The following NXPE2 variants were observed in gnomAD, a reference collection of about 807,000 sequenced individuals.
NXPE2 encodes NXPE family member 2.
NXPE2 carries 34 observed loss-of-function variants against 34.4 expected under a neutral mutation model. The observed-to-expected ratio is 0.99, with a 90% CI of 0.75 to 1.31. NXPE2 has a LOEUF of 1.31. Among genes scored for constraint, NXPE2 ranks in the 40% most tolerant of loss-of-function variants. The pLI is 0.00. For missense variants in NXPE2, 649 were observed against 672.5 expected (o/e 0.97, Z 0.39); for synonymous variants, 235 against 231.3 (o/e 1.02, Z -0.15).
At chr11:114,518,985 G>A in the NXPE2 span, among the ~76,000 whole-genome samples, 70 of 152,180 alleles carry the variant, frequency 4.6e-4, no homozygotes, top group Non-Finnish European at 4.9e-4. Flanking sequence ...GTAATGACAG[G>A]TGTATTAATA....
At chr11:114,472,007 G>A in the NXPE2 span, among the ~76,000 whole-genome samples, 1 of 152,126 alleles carries the variant, frequency 6.6e-6, no homozygotes, top group African/African-American at 2.4e-5. Context: ...TAATCCCCTA[G>A]TATTTAGAGA....
chr11:114,647,444 G>A, the NXPE2 span, among the ~76,000 whole-genome samples: 1 of 152,022 alleles, frequency 6.6e-6, no homozygotes. Flanking sequence ...TCTATCTAGT[G>A]CTTATTTAAA....
At chr11:114,665,857 T>C in the NXPE2 span, among the ~76,000 whole-genome samples, 38 of 152,156 alleles carry the variant, frequency 2.5e-4, no homozygotes, top group Admixed American at 2.2e-3. Flanking sequence ...TGCCATTTAT[T>C]GACCACCTAC....
At chr11:114,576,966 A>G in the NXPE2 span, among the ~76,000 whole-genome samples, 1 of 140,704 alleles carries the variant, frequency 7.1e-6, no homozygotes, top group South Asian at 2.2e-4. Flanking sequence ...GAGTGGATAA[A>G]GAAGATGTTT....
At chr11:114,565,539 C>T in the NXPE2 span, among the ~76,000 whole-genome samples, 2 of 152,104 alleles carry the variant, frequency 1.3e-5, no homozygotes, top group East Asian at 3.9e-4. Context: ...ATATATACAA[C>T]TAAATTAATG....
At chr11:114,714,652 G>C in the NXPE2 span, among the ~76,000 whole-genome samples, 4 of 152,180 alleles carry the variant, frequency 2.6e-5, no homozygotes, top group African/African-American at 9.7e-5. Context: ...ACATGTGGCA[G>C]CTGAAAGGTT....
chr11:114,775,292 A>G, the NXPE2 span, among the ~76,000 whole-genome samples: 1 of 152,196 alleles, frequency 6.6e-6, no homozygotes, highest in South Asian at 2.1e-4. Context: ...CCTCTGCTAG[A>G]CAGACCCCAG....
the NXPE2 span, among the ~76,000 whole-genome samples, chr11:114,557,957 T>G: frequency 6.6e-6 from 1 of 152,018 alleles, no homozygotes; most frequent in Non-Finnish European, 1.5e-5. Flanking sequence ...TTGAATATGT[T>G]ACCTCATTTT....
the NXPE2 span, among the ~76,000 whole-genome samples, chr11:114,733,165 C>T: frequency 6.6e-6 from 1 of 152,150 alleles, no homozygotes; most frequent in Non-Finnish European, 1.5e-5. Context: ...GGCGCAATCT[C>T]GGCTTACTGC....
the NXPE2 span, among the ~76,000 whole-genome samples, chr11:114,663,768 A>T: frequency 1.3e-5 from 2 of 152,086 alleles, no homozygotes; most frequent in Non-Finnish European, 2.9e-5. Flanking sequence ...AACCCAAGTA[A>T]AAAATAGCCA....
chr11:114,800,408 A>G, the NXPE2 span, among the ~76,000 whole-genome samples: 1 of 152,242 alleles, frequency 6.6e-6, no homozygotes, highest in African/African-American at 2.4e-5. Context: ...GTAAGGTAGT[A>G]GCGAAGGTTA....
chr11:114,788,357 G>T, the NXPE2 span, among the ~76,000 whole-genome samples: 1 of 152,166 alleles, frequency 6.6e-6, no homozygotes, highest in African/African-American at 2.4e-5. Flanking sequence ...GAGCCAAGTG[G>T]AGCCTCAGGC....
At chr11:114,671,838 G>A in the NXPE2 span, among the ~76,000 whole-genome samples, 5 of 151,990 alleles carry the variant, frequency 3.3e-5, no homozygotes, top group Non-Finnish European at 7.4e-5. Flanking sequence ...ACAGTAATTT[G>A]AATACACAAA....
At chr11:114,627,084 G>A in the NXPE2 span, among the ~76,000 whole-genome samples, 3 of 151,952 alleles carry the variant, frequency 2.0e-5, no homozygotes, top group Non-Finnish European at 4.4e-5. Context: ...AACCAAGTTG[G>A]AAAACACTCT....
chr11:114,692,024 A>G (rs767436465), intron 2 of NXPE2, among the ~76,000 whole-genome samples: 1 of 152,136 alleles, frequency 6.6e-6, no homozygotes, highest in Non-Finnish European at 1.5e-5. Flanking sequence ...GGCCTGTGAC[A>G]GGAAAAAGAC....
At chr11:114,740,060 T>C in the NXPE2 span, among the ~76,000 whole-genome samples, 14,261 of 152,242 alleles carry the variant, frequency 0.094, 720 homozygotes, top group Middle Eastern at 0.13. Flanking sequence ...TTTTTTCCTG[T>C]ACATAATTGC....
chr11:114,780,250 C>T, the NXPE2 span, among the ~76,000 whole-genome samples: 14 of 152,208 alleles, frequency 9.2e-5, no homozygotes, highest in Non-Finnish European at 2.9e-5. Context: ...ACAGGTTTCC[C>T]TTTCATGGGT....
chr11:114,706,705 G>A lies in NXPE2; in HGVS notation c.1455G>A (p.Val485=), dbSNP rs998755465. The change falls in exon 6 of 6, where the codon GTG becomes GTA. Residue 485 remains valine (V), a synonymous_variant. Transcript: ENST00000389586. ...RLFLRSPETK[V]ILKTENTREI... Reference sequence around the variant, plus strand: ...TCTTGCGAAGCCCGGAGACCAAGGTGATACTTAAAACTGAAAACACCAGAG... The same window carrying A: ...TCTTGCGAAGCCCGGAGACCAAGGTAATACTTAAAACTGAAAACACCAGAG... 2.6e-6 allele frequency: 4 copies of A among 1,552,102 alleles called. No homozygotes were observed. Among genetic ancestry groups the A allele is most frequent in the Non-Finnish European group, 3.5e-6 (4 of 1,147,076 alleles).
chr11:114,692,574 C>A (rs1226132443), intron 2 of NXPE2, among the ~76,000 whole-genome samples: 1 of 152,184 alleles, frequency 6.6e-6, no homozygotes, highest in African/African-American at 2.4e-5. Context: ...TTGAGGTTTT[C>A]TCCTGCAGCC....
Sources: allele counts gnomAD v4.1 joint callset (sites outside exome capture counted in the v4.1 genomes callset), GRCh38; gene constraint gnomAD v4.1.1; transcripts MANE v1.5; gene names NCBI Gene and HGNC (gene_info 2026-07-23, HGNC 2026-07-21).